PLCH1: variants seen among roughly 807,000 people sequenced by gnomAD.
PLCH1 encodes 1-phosphatidylinositol 4,5-bisphosphate phosphodiesterase eta-1.
PLCH1 carries 60 observed loss-of-function variants against 126.7 expected under a neutral mutation model. That is an observed-to-expected ratio of 0.47 (90% CI 0.38 to 0.59). The LOEUF (loss-of-function observed/expected upper bound fraction) is 0.59, where lower values mean the gene tolerates loss of function less well. Among genes scored for constraint, PLCH1 ranks in the 20% least tolerant of loss-of-function variants. PLCH1 has a pLI of 0.00. For synonymous variants in PLCH1, 719 were observed against 734.9 expected, an observed-to-expected ratio of 0.98 and a Z score of 0.35; for missense variants, 1,723 against 2,040.0, an observed-to-expected ratio of 0.84 and a Z score of 2.99.
intron 21 of PLCH1, among the ~76,000 whole-genome samples, chr3:155,469,209 G>C (rs936297414): frequency 6.6e-6 from 1 of 152,216 alleles, no homozygotes; most frequent in African/African-American, 2.4e-5. Flanking sequence ...GCACAGGTCA[G>C]TGGGTGTGCG....
chr3:155,687,214 AATG>A (rs1745019265), intron 2 of PLCH1, among the ~76,000 whole-genome samples: 2 of 152,224 alleles, frequency 1.3e-5, no homozygotes, highest in Non-Finnish European at 2.9e-5. Context: ...AGTATAGATT[AATG>A]ATTAGTATTA....
intron 7 of PLCH1, among the ~76,000 whole-genome samples, chr3:155,566,356 TATATACACAC>T: frequency 7.2e-6 from 1 of 139,230 alleles, no homozygotes; most frequent in East Asian, 2.0e-4. Context: ...TATATACATA[TATATACACAC>T]ATATATATAT....
At chr3:155,731,003 C>T (rs1363849228) in intron 1 of PLCH1, among the ~76,000 whole-genome samples, 1 of 152,220 alleles carries the variant, frequency 6.6e-6, no homozygotes, top group Non-Finnish European at 1.5e-5. Flanking sequence ...TCCAGGCCTA[C>T]CCTGGCACCA....
At chr3:155,487,058 C>G (rs1363126101) in intron 21 of PLCH1, 1 of 152,080 alleles carries the variant, frequency 6.6e-6, no homozygotes, top group African/African-American at 2.4e-5. Context: ...AAATTAGGAT[C>G]CTTACCCCCA....
chr3:155,551,242 C>T (rs1006078447), intron 9 of PLCH1, among the ~76,000 whole-genome samples: 1 of 151,870 alleles, frequency 6.6e-6, no homozygotes, highest in Non-Finnish European at 1.5e-5. Context: ...GCCAGGAGTT[C>T]GAGACCAGCC....
intron 22 of PLCH1, chr3:155,483,299 A>G: frequency 7.7e-7 from 1 of 1,294,204 alleles, no homozygotes; most frequent in Non-Finnish European, 1.1e-6. Flanking sequence ...TGTAATATTC[A>G]TTGTCAAAAA....
intron 2 of PLCH1, among the ~76,000 whole-genome samples, chr3:155,693,814 C>A (rs572626142): frequency 6.6e-6 from 1 of 152,032 alleles, no homozygotes; most frequent in Non-Finnish European, 1.5e-5. Context: ...CCTGTAATCC[C>A]AGCTCCTTGA....
chr3:155,739,582 A>G (rs540342246), intron 1 of PLCH1, among the ~76,000 whole-genome samples: 3 of 152,188 alleles, frequency 2.0e-5, no homozygotes, highest in African/African-American at 7.2e-5. Context: ...CTTATCAGAA[A>G]CTCTCTACCT....
chr3:155,548,770 T>C (rs755390822), intron 10 of PLCH1, among the ~76,000 whole-genome samples: 2 of 152,254 alleles, frequency 1.3e-5, no homozygotes, highest in Non-Finnish European at 1.5e-5. Context: ...AATACCTTTA[T>C]GCATATAAAT....
intron 10 of PLCH1, among the ~76,000 whole-genome samples, chr3:155,543,562 A>G (rs770204350): frequency 1.3e-5 from 2 of 152,178 alleles, no homozygotes; most frequent in African/African-American, 4.8e-5. Context: ...TCCTCGAGAA[A>G]AGCAACTACA....
At chr3:155,583,320 G>A in intron 6 of PLCH1, 152 bp downstream of exon 6, 1 of 590,692 alleles carries the variant, frequency 1.7e-6, no homozygotes, top group Non-Finnish European at 2.9e-6. Context: ...GCTAGAAACT[G>A]TTTTAAATGA....
intron 1 of PLCH1, among the ~76,000 whole-genome samples, chr3:155,706,607 C>A (rs1486735182): frequency 1.4e-5 from 2 of 138,034 alleles, no homozygotes; most frequent in Admixed American, 7.6e-5. Context: ...GCGACAAAGA[C>A]TCCGTCTCAA....
At chr3:155,652,301 C>T (rs6806485) in intron 2 of PLCH1, among the ~76,000 whole-genome samples, 11,057 of 152,168 alleles carry the variant, frequency 0.073, 437 homozygotes, top group Middle Eastern at 0.11. Flanking sequence ...TGTATTTGCA[C>T]AGTATCATTT....
At chr3:155,469,066 G>A (rs1713046893) in intron 21 of PLCH1, among the ~76,000 whole-genome samples, 1 of 152,084 alleles carries the variant, frequency 6.6e-6, no homozygotes. Context: ...AATAATAGGG[G>A]GAGGAGCCAA....
intron 10 of PLCH1, among the ~76,000 whole-genome samples, chr3:155,542,895 C>G (rs1724572085): frequency 6.6e-6 from 1 of 152,054 alleles, no homozygotes; most frequent in Non-Finnish European, 1.5e-5. Context: ...TGTACATCAC[C>G]ATCATCAAAG....
intron 21 of PLCH1, among the ~76,000 whole-genome samples, chr3:155,458,529 A>G (rs1005076930): frequency 4.8e-5 from 7 of 144,704 alleles, no homozygotes; most frequent in Non-Finnish European, 9.0e-5. Context: ...AGAAAGAGAA[A>G]GAAAGAAAAA....
In PLCH1 at chr3:155,494,232, T is replaced by C. The variant is rs1560066356; in HGVS notation, c.2091A>G (p.Gln697=). Reference sequence around the variant, plus strand: ...TTAACTGCATCATTCGTCCTTCAGATTGATAATTCAGTGCCACTGTGCAAG... The same window carrying C: ...TTAACTGCATCATTCGTCCTTCAGACTGATAATTCAGTGCCACTGTGCAAG... The part of the protein sequence containing the change: ...AGCQLVALNY[Q]SEGRMMQLNR... Residue 697 remains glutamine (Q), a synonymous_variant, in exon 17 of 23, where the codon CAA becomes CAG. Coordinates refer to ENST00000460012, the MANE Select transcript of PLCH1 (RefSeq NM_014996.4). 1.9e-6 allele frequency: 3 copies of C among 1,614,078 alleles called. No individual in the cohort carries two copies. Among genetic ancestry groups the C allele is most frequent in the Non-Finnish European group, 2.5e-6 (3 of 1,179,940 alleles).
chr3:155,744,234 G>T (rs921299280), intron 1 of PLCH1, among the ~76,000 whole-genome samples: 11 of 152,200 alleles, frequency 7.2e-5, no homozygotes, highest in Admixed American at 2.0e-4. Flanking sequence ...AGAGCGTGCC[G>T]CCGCGGGGCC....
At position 155,481,393 on chromosome 3, in the gene PLCH1, C is replaced by T; in HGVS notation, c.4633G>A (p.Asp1545Asn). The T allele has an allele frequency of 1.2e-6, 2 of 1,614,192 alleles. No homozygotes were observed. The highest frequency in any genetic ancestry group is 8.5e-7 in the Non-Finnish European group (1 of 1,180,046). ...AGCACTTGGCAGTTGTCTTCCTGGT[C>T]AAAGGACACAAGCTTCCGAAGCTGC... is the stretch of plus-strand genomic sequence containing the variant. ...TEQLRKLVSF[D>N]QEDNCQVLYS... is the part of the protein sequence containing the mutation. The change falls in exon 23 of 23, where the codon GAC becomes AAC. Residue 1545 changes from aspartate to asparagine, a missense_variant. Asp to Asn is a conservative substitution (Grantham distance 23). Coordinates refer to ENST00000460012, the MANE Select transcript of PLCH1 (RefSeq NM_014996.4). The surrounding 1 kb of genome is among the most constrained non-coding windows in gnomAD (Gnocchi z 4.2).
Sources: allele counts gnomAD v4.1 joint callset (sites outside exome capture counted in the v4.1 genomes callset), GRCh38; gene constraint gnomAD v4.1.1; non-coding constraint Gnocchi (gnomAD v3.1); transcripts MANE v1.5; gene names NCBI Gene and HGNC (gene_info 2026-07-23, HGNC 2026-07-21).